Variants in ATXN7 observed in about 807,000 individuals in gnomAD.
The protein encoded by ATXN7 is ataxin 7.
In ATXN7, 12 loss-of-function variants were observed where a neutral mutation model predicts 70.5. The ratio of observed to expected loss-of-function variants is 0.17; its 90% CI spans 0.11 to 0.28. ATXN7 has a LOEUF of 0.28. Ranked by LOEUF, ATXN7 falls within the 10% of genes least tolerant of loss-of-function variation. The probability of loss-of-function intolerance (pLI) is 1.00; values close to 1 mark genes in which losing one functional copy is unlikely to be tolerated. For missense variants in ATXN7, 1,256 were observed against 1,131.7 expected, an observed-to-expected ratio of 1.11 and a Z score of -1.58; for synonymous variants, 498 against 448.7, an observed-to-expected ratio of 1.11 and a Z score of -1.39.
intron 1 of ATXN7, among the ~76,000 whole-genome samples, chr3:63,884,374 A>C (rs1703016441): frequency 6.6e-6 from 1 of 152,144 alleles, no homozygotes; most frequent in African/African-American, 2.4e-5. Flanking sequence ...GCAGCTAAAA[A>C]ACATAGTATT....
Position 63,995,182 on chromosome 3 carries a change from G to A in ATXN7, c.1683-323G>A, listed in dbSNP as rs998781073. ...CACTTAAAGGATGAGCAGAAGCTGG[G>A]GTATTGGGTCATGGCATTTTCTCAG... On this transcript the variant is annotated intron_variant, in intron 11 of 12. Coordinates refer to ENST00000674280, the MANE Select transcript of ATXN7 (RefSeq NM_001377405.1). Among the ~76,000 whole-genome samples the A allele has an allele frequency of 6.6e-5, 10 of 152,188 alleles. No individual in the cohort carries two copies. The South Asian group carries it at 1.7e-3, about 25-fold the overall frequency.
chr3:63,869,401 A>T (rs1280056205), intron 1 of ATXN7, among the ~76,000 whole-genome samples: 2 of 152,090 alleles, frequency 1.3e-5, no homozygotes, highest in African/African-American at 2.4e-5. Flanking sequence ...TTAGAAGGAG[A>T]TATCATACAT....
chr3:63,906,249 A>G (rs1341695652), intron 2 of ATXN7, among the ~76,000 whole-genome samples: 1 of 152,242 alleles, frequency 6.6e-6, no homozygotes, highest in African/African-American at 2.4e-5. Context: ...GTGCAAAGAC[A>G]GAATGTGGGA....
chr3:63,912,972 CT>C, intron 3 of ATXN7, 49 bp downstream of exon 3: 1 of 1,387,370 alleles, frequency 7.2e-7, no homozygotes, highest in Non-Finnish European at 9.7e-7. Flanking sequence ...CGACCCCCTC[CT>C]CTCTCCTCCC....
chr3:63,895,708 TCTTC>T (rs1290945020), intron 1 of ATXN7, among the ~76,000 whole-genome samples: 8 of 151,930 alleles, frequency 5.3e-5, no homozygotes, highest in Non-Finnish European at 2.9e-5. Context: ...TTTCTTTCTT[TCTTC>T]CTTCCTTTCT....
At chr3:63,871,085 T>C (rs1176294667) in intron 1 of ATXN7, among the ~76,000 whole-genome samples, 3 of 152,198 alleles carry the variant, frequency 2.0e-5, no homozygotes, top group Non-Finnish European at 4.4e-5. Context: ...TTTTGCTTCG[T>C]TTCCTGCTTT....
At chr3:63,988,465 A>G (rs983465064) in intron 9 of ATXN7, 141 bp downstream of exon 9, 15 of 1,137,106 alleles carry the variant, frequency 1.3e-5, no homozygotes, top group Middle Eastern at 3.1e-4. Context: ...TTTACTATGA[A>G]AAAAAAAAAG....
intron 2 of ATXN7, among the ~76,000 whole-genome samples, chr3:63,899,839 G>C (rs1703568200): frequency 1.3e-5 from 2 of 151,998 alleles, no homozygotes; most frequent in East Asian, 1.9e-4. Context: ...AGATGGTCTC[G>C]ATCTCCTGAC....
intron 5 of ATXN7, among the ~76,000 whole-genome samples, chr3:63,970,043 G>A (rs2075285976): frequency 6.6e-6 from 1 of 152,146 alleles, no homozygotes; most frequent in Non-Finnish European, 1.5e-5. Context: ...GCATCATTTG[G>A]GTAACACCGT....
chr3:63,885,418 C>CTA (rs1703058818), intron 1 of ATXN7, among the ~76,000 whole-genome samples: 1 of 152,002 alleles, frequency 6.6e-6, no homozygotes, highest in African/African-American at 2.4e-5. Flanking sequence ...GTTAGAATGG[C>CTA]TATTCAAAAA....
Position 63,995,931 on chromosome 3 carries a change from A to G in ATXN7, c.2109A>G (p.Ser703=). The G allele has an allele frequency of 6.2e-7, 1 of 1,614,216 alleles. No homozygotes were observed. Among genetic ancestry groups the G allele is most frequent in the Non-Finnish European group, 8.5e-7 (1 of 1,180,022 alleles). The change falls in exon 12 of 13, where the codon TCA becomes TCG. Residue 703 remains serine (S), a synonymous_variant. Coordinates refer to ENST00000674280, the MANE Select transcript of ATXN7 (RefSeq NM_001377405.1). ...QNASSSTSGG[S]GKKRKNSSPL... is the part of the protein sequence containing the mutation. ...CCAGTAGCAGTACCAGTGGCGGCTCAGGAAAGAAACGCAAAAACAGTTCCC... is the reference window on the plus strand; with the variant it reads ...CCAGTAGCAGTACCAGTGGCGGCTCGGGAAAGAAACGCAAAAACAGTTCCC...
intron 6 of ATXN7, 114 bp from the exon 7 acceptor site, chr3:63,982,072 C>T (rs889081839): frequency 7.3e-6 from 10 of 1,367,082 alleles, no homozygotes; most frequent in Non-Finnish European, 1.0e-5. Flanking sequence ...AAGAGGCTGG[C>T]CCTGTGCAGC....
intron 5 of ATXN7, among the ~76,000 whole-genome samples, chr3:63,967,121 A>G (rs980632553): frequency 6.6e-6 from 1 of 152,152 alleles, no homozygotes; most frequent in East Asian, 1.9e-4. Flanking sequence ...ATTTGACAGT[A>G]GATTTGTTGA....
At chr3:63,907,391 C>G (rs1255385376) in intron 2 of ATXN7, among the ~76,000 whole-genome samples, 1 of 151,316 alleles carries the variant, frequency 6.6e-6, no homozygotes, top group African/African-American at 2.4e-5. Context: ...ACGCAGTACA[C>G]TAGAACTCTA....
intron 1 of ATXN7, among the ~76,000 whole-genome samples, chr3:63,880,565 C>G (rs1702879443): frequency 6.6e-6 from 1 of 152,144 alleles, no homozygotes; most frequent in African/African-American, 2.4e-5. Context: ...TCTGTCTCAC[C>G]AAGTGCTCTG....
At chr3:63,893,160 T>C (rs1210036496) in intron 1 of ATXN7, among the ~76,000 whole-genome samples, 1 of 152,216 alleles carries the variant, frequency 6.6e-6, no homozygotes, top group Non-Finnish European at 1.5e-5. Context: ...TTACTTTTTA[T>C]TACTGGGCGC....
intron 1 of ATXN7, among the ~76,000 whole-genome samples, chr3:63,882,039 T>C (rs1016258287): frequency 3.9e-5 from 6 of 152,228 alleles, no homozygotes; most frequent in Admixed American, 6.5e-5. Flanking sequence ...GAACACATTT[T>C]AACTAATAAT....
At chr3:63,967,606 A>G (rs2075247791) in intron 5 of ATXN7, 1 of 312,244 alleles carries the variant, frequency 3.2e-6, no homozygotes, top group Non-Finnish European at 5.5e-6. Context: ...AATATAAGTA[A>G]TTTGCATTTT....
chr3:63,968,720 C>T (rs940041779), intron 5 of ATXN7, among the ~76,000 whole-genome samples: 3 of 152,152 alleles, frequency 2.0e-5, no homozygotes, highest in Admixed American at 2.0e-4. Context: ...GCCAGCAGAG[C>T]TAAGCTGATT....
Sources: gnomAD v4.1 joint callset for allele counts (sites outside exome capture counted in the v4.1 genomes callset) on GRCh38, gnomAD v4.1.1 for gene constraint, MANE v1.5 for transcripts, NCBI Gene and HGNC (gene_info 2026-07-23, HGNC 2026-07-21) for gene names.